Variants in NOC2L observed in about 807,000 individuals in gnomAD.
NOC2L encodes the protein NOC2 like nucleolar associated transcriptional repressor, also known as nucleolar complex protein 2 homolog.
A neutral mutation model predicts 94.2 loss-of-function variants in NOC2L; 101 were observed. The ratio of observed to expected loss-of-function variants is 1.07; its 90% confidence interval spans 0.91 to 1.26. The LOEUF (loss-of-function observed/expected upper bound fraction) is 1.26. Ranked by LOEUF, NOC2L falls within the 50% of genes most tolerant of loss-of-function variation. The probability of loss-of-function intolerance (pLI) is 0.00; values close to 1 mark genes in which losing one functional copy is unlikely to be tolerated. For missense variants in NOC2L, 1,076 were observed against 980.1 expected (o/e 1.10, Z -1.31); for synonymous variants, 531 against 413.4 (o/e 1.28, Z -3.45).
At chr1:955,560 C>T (rs1324971841) in intron 6 of NOC2L, among the ~76,000 whole-genome samples, 1 of 152,156 alleles carries the variant, frequency 6.6e-6, no homozygotes, top group African/African-American at 2.4e-5. Context: ...GGAAACAGGC[C>T]AGTCATAGTG....
At chr1:958,860 G>T in intron 2 of NOC2L, 69 bp downstream of exon 2, 2 of 1,562,524 alleles carry the variant, frequency 1.3e-6, no homozygotes, top group Non-Finnish European at 1.8e-6. Flanking sequence ...GACCCCAGGC[G>T]AGGTCAGCAA....
chr1:958,754 C>A, intron 2 of NOC2L, 175 bp downstream of exon 2: 1 of 743,060 alleles, frequency 1.3e-6, no homozygotes, highest in Non-Finnish European at 2.4e-6. Flanking sequence ...CAGAGTTTGG[C>A]ACGGAACAGG....
chr1:952,225 T>C, intron 10 of NOC2L, 86 bp from the exon 11 acceptor site: 1 of 1,515,694 alleles, frequency 6.6e-7, no homozygotes, highest in South Asian at 1.2e-5. Context: ...CAGGAATCAT[T>C]TCCTCATCTT....
rs1569946799 is a variant in NOC2L at position 952,564 on chromosome 1, T to A, written c.1039A>T (p.Thr347Ser). The stretch of plus-strand genomic sequence containing the variant: ...ATGAAGGGGAGGGCACCAGGCGAGG[T>A]GAACTTGCAGTTCCTCACATACGTG... Reference protein sequence around the residue: ...YITYVRNCKFTSPGALPFISF... With the variant: ...YITYVRNCKFSSPGALPFISF... Residue 347 changes from threonine (T) to serine (S), a missense_variant, in exon 10 of 19, where the codon ACC becomes TCC. Physicochemically the swap from Thr to Ser is moderately conservative, Grantham distance 58 (BLOSUM62 1). Transcript: ENST00000327044. The A allele has an allele frequency of 6.2e-7, 1 of 1,613,716 alleles. No homozygotes were observed. Among genetic ancestry groups the A allele is most frequent in the Admixed American group, 1.7e-5 (1 of 60,004 alleles).
chr1:944,774 G>A lies in NOC2L; in HGVS notation c.2170C>T (p.Leu724=). The A allele has an allele frequency of 6.3e-7, 1 of 1,597,160 alleles. No homozygotes were observed. Among genetic ancestry groups the A allele is most frequent in the Non-Finnish European group, 8.5e-7 (1 of 1,176,278 alleles). ...AGCTGCTGCAGCTCCCCAGGGGCCAGCCCCGCCTCTGCGTCTGGGTCTCCA... is the reference window on the plus strand; with the variant it reads ...AGCTGCTGCAGCTCCCCAGGGGCCAACCCCGCCTCTGCGTCTGGGTCTCCA... ...EDGDPDAEAG[L]APGELQQLAQ... Residue 724 remains leucine, a synonymous_variant, in exon 19 of 19, where the codon CTG becomes TTG. Transcript: ENST00000327044.
chr1:955,545 C>A (rs1013470958), intron 6 of NOC2L, among the ~76,000 whole-genome samples: 10 of 152,330 alleles, frequency 6.6e-5, no homozygotes, highest in Admixed American at 5.2e-4. Flanking sequence ...ACACACACAG[C>A]TCCAGGAAAC....
At chr1:954,387 T>C in intron 6 of NOC2L, 1 of 364,178 alleles carries the variant, frequency 2.7e-6, no homozygotes, top group Non-Finnish European at 4.9e-6. Context: ...GACATAAACC[T>C]TTTCTAGGTC....
rs780315678 is a variant in NOC2L, at chr1:957,165, G to A, written c.288C>T (p.Asn96=). Residue 96 remains asparagine (N), a synonymous_variant, in exon 3 of 19, where the codon AAC becomes AAT. Transcript: ENST00000327044. ...FLQENDQSLL[N]FSDSDSSEEE... ...CCTCAGAGCTGTCCGAGTCGCTGAA[G>A]TTTAGCAGGCTCTGGTCATTCTCCT... 5 of 1,614,104 alleles carry A rather than the reference G, an allele frequency of 3.1e-6. No individual in the cohort carries two copies. The highest frequency in any genetic ancestry group is 3.4e-6 in the Non-Finnish European group (4 of 1,180,036).
chr1:948,817 C>A (rs958098149), intron 12 of NOC2L, among the ~76,000 whole-genome samples: 1 of 149,692 alleles, frequency 6.7e-6, no homozygotes, highest in Non-Finnish European at 1.5e-5. Flanking sequence ...CACAGCCTGG[C>A]GTGTCCCCGA....
intron 17 of NOC2L, 69 bp downstream of exon 17, chr1:945,449 G>A (rs1367309813): frequency 5.8e-5 from 92 of 1,577,818 alleles, no homozygotes; most frequent in Non-Finnish European, 7.5e-5. Flanking sequence ...GGTGGCCCTC[G>A]TGGCTCTGGG....
intron 14 of NOC2L, 117 bp downstream of exon 14, chr1:948,014 G>C (rs1642163796): frequency 2.5e-6 from 2 of 789,916 alleles, no homozygotes; most frequent in Admixed American, 4.4e-5. Flanking sequence ...CCAGCAGTCA[G>C]GTTCCACCCC....
chr1:955,805 CAAG>C, intron 6 of NOC2L, 115 bp downstream of exon 6: 1 of 896,746 alleles, frequency 1.1e-6, no homozygotes, highest in Non-Finnish European at 1.8e-6. Context: ...TCAGGGTCCC[CAAG>C]AAGACGCTGG....
At chr1:951,566 C>T (rs1242164394) in intron 11 of NOC2L, among the ~76,000 whole-genome samples, 1 of 152,220 alleles carries the variant, frequency 6.6e-6, no homozygotes, top group Non-Finnish European at 1.5e-5. Flanking sequence ...GACAGATGCC[C>T]CCTCCTGGCC....
At chr1:955,899 C>T (rs760571750) in intron 6 of NOC2L, 24 bp downstream of exon 6, 1 of 1,570,104 alleles carries the variant, frequency 6.4e-7, no homozygotes, top group Admixed American at 1.7e-5. Context: ...CCACCCTACC[C>T]CCCTTCACCC....
intron 6 of NOC2L, chr1:954,514 C>A (rs2100392996): frequency 5.9e-6 from 1 of 168,588 alleles, no homozygotes; most frequent in South Asian, 1.9e-4. Flanking sequence ...TTTCCTTTGG[C>A]CCACATTTGC....
chr1:953,460 G>GT (rs1384330239), intron 8 of NOC2L, among the ~76,000 whole-genome samples, 172 bp from the exon 9 acceptor site: 1 of 152,256 alleles, frequency 6.6e-6, no homozygotes, highest in Non-Finnish European at 1.5e-5. Context: ...AACAGAACAG[G>GT]TGTGTTGCTC....
At chr1:953,034 G>C in intron 9 of NOC2L, 141 bp downstream of exon 9, 1 of 645,678 alleles carries the variant, frequency 1.5e-6, no homozygotes, top group East Asian at 2.7e-5. Context: ...TGAGACATTC[G>C]TGATCCAAGG....
rs367583489 is a variant in NOC2L, at chr1:944,681, C to A, written c.*13G>T. On this transcript the variant is annotated 3_prime_UTR_variant, in exon 19 of 19. Transcript: ENST00000327044. ...AGCCCGGCAGCCCCTACAGGCCCCC[C>A]AGATGGGCTGCCTCAGTCGTCCTCT... 4.5e-6 allele frequency: 7 copies of A among 1,558,660 alleles called. No individual in the cohort carries two copies. The highest frequency in any genetic ancestry group is 4.1e-5 in the African/African-American group (3 of 73,926).
At chr1:950,603 A>G (rs1479656379) in intron 12 of NOC2L, among the ~76,000 whole-genome samples, 1 of 152,206 alleles carries the variant, frequency 6.6e-6, no homozygotes, top group African/African-American at 2.4e-5. Context: ...GCAGGCACAC[A>G]GGCATTCATG....
Sources: gnomAD v4.1 joint callset for allele counts (sites outside exome capture counted in the v4.1 genomes callset) on GRCh38, gnomAD v4.1.1 for gene constraint, MANE v1.5 for transcripts, NCBI Gene and HGNC (gene_info 2026-07-23, HGNC 2026-07-21) for gene names.